DOCK7: variants seen among roughly 807,000 people sequenced by gnomAD.
DOCK7 encodes dedicator of cytokinesis protein 7.
Under a neutral mutation model 271.0 loss-of-function variants are expected in DOCK7, and 138 were observed. The ratio of observed to expected loss-of-function variants is 0.51; its 90% confidence interval spans 0.44 to 0.59. DOCK7 has a LOEUF of 0.59. Among genes scored for constraint, DOCK7 ranks in the 20% least tolerant of loss-of-function variants. The probability of loss-of-function intolerance (pLI) is 0.00; values close to 1 mark genes in which losing one functional copy is unlikely to be tolerated. For synonymous variants in DOCK7, 823 were observed against 876.1 expected, an observed-to-expected ratio of 0.94 and a Z score of 1.07; for missense variants, 2,066 against 2,592.4, an observed-to-expected ratio of 0.80 and a Z score of 4.41.
At chr1:62,587,444 A>G (rs1249859278) in intron 14 of DOCK7, among the ~76,000 whole-genome samples, 1 of 152,054 alleles carries the variant, frequency 6.6e-6, no homozygotes, top group Non-Finnish European at 1.5e-5. Flanking sequence ...TTTTCTGAAG[A>G]GTGGTAGGGC....
intron 48 of DOCK7, 82 bp from the exon 49 acceptor site, chr1:62,457,787 A>C (rs201946100): frequency 7.7e-7 from 1 of 1,298,476 alleles, no homozygotes; most frequent in African/African-American, 1.5e-5. Context: ...AAATACATAT[A>C]CATATATATG....
intron 1 of DOCK7, among the ~76,000 whole-genome samples, chr1:62,680,544 T>G (rs577445345): frequency 5.4e-4 from 82 of 151,952 alleles, no homozygotes; most frequent in Middle Eastern, 3.4e-3. Context: ...AAATGGGATC[T>G]AATTAAACTA....
intron 14 of DOCK7, chr1:62,604,568 G>C: frequency 1.3e-6 from 2 of 1,494,690 alleles, no homozygotes; most frequent in Non-Finnish European, 1.9e-6. Context: ...AACTTACGGG[G>C]AAATACAGTA....
intron 1 of DOCK7, among the ~76,000 whole-genome samples, chr1:62,672,801 G>A (rs967098523): frequency 3.3e-5 from 5 of 152,220 alleles, no homozygotes; most frequent in African/African-American, 1.2e-4. Context: ...GGCAGGGTTT[G>A]AATTCAGATC....
intron 4 of DOCK7, among the ~76,000 whole-genome samples, chr1:62,649,928 T>C (rs1657127774): frequency 6.6e-6 from 1 of 152,086 alleles, no homozygotes; most frequent in South Asian, 2.1e-4. Context: ...AAAATCACCT[T>C]ATCAGTAAGG....
chr1:62,602,556 GTTA>G (rs1650308169), intron 14 of DOCK7, among the ~76,000 whole-genome samples: 1 of 151,586 alleles, frequency 6.6e-6, no homozygotes, highest in South Asian at 2.1e-4. Context: ...TATTACAACT[GTTA>G]TTATTTGAAT....
intron 14 of DOCK7, chr1:62,598,155 T>G: frequency 8.5e-7 from 1 of 1,181,256 alleles, no homozygotes; most frequent in South Asian, 2.1e-5. Flanking sequence ...AATACTTTGT[T>G]GCATTGTTGA....
chr1:62,636,870 T>C (rs76150158), intron 7 of DOCK7, among the ~76,000 whole-genome samples: 10 of 152,196 alleles, frequency 6.6e-5, no homozygotes, highest in Non-Finnish European at 1.3e-4. Context: ...ACATATTATG[T>C]CCATTCTGAG....
At chr1:62,680,650 G>A (rs1257904644) in intron 1 of DOCK7, among the ~76,000 whole-genome samples, 2 of 151,976 alleles carry the variant, frequency 1.3e-5, no homozygotes, top group African/African-American at 4.8e-5. Context: ...CTGACAAAGG[G>A]CTAATATCCA....
intron 34 of DOCK7, among the ~76,000 whole-genome samples, chr1:62,508,500 AT>A (rs1328117423): frequency 6.6e-6 from 1 of 152,134 alleles, no homozygotes; most frequent in Non-Finnish European, 1.5e-5. Context: ...GTTTCATCTA[AT>A]TTTCCCCCAA....
intron 42 of DOCK7, chr1:62,487,920 A>T (rs1646344777): frequency 6.6e-6 from 1 of 152,480 alleles, no homozygotes; most frequent in Admixed American, 6.5e-5. Flanking sequence ...CCTACCTGTC[A>T]TGGTCATGAA....
intron 48 of DOCK7, among the ~76,000 whole-genome samples, chr1:62,468,586 T>G (rs367620830): frequency 2.0e-5 from 3 of 152,066 alleles, no homozygotes; most frequent in African/African-American, 4.8e-5. Context: ...GAGAAAGAAA[T>G]AAAGCAAATC....
Position 62,688,381 on chromosome 1 carries a change from G to C in DOCK7, c.-117C>G. 1 of 575,180 alleles carries C rather than the reference G, an allele frequency of 1.7e-6. No individual in the cohort carries two copies. The allele number at this position is 575,180 out of a possible 1,614,324, so 35.6% of individuals were successfully genotyped here. A position where few individuals can be genotyped will look rare whatever the true frequency, so the allele number is the denominator to read the frequency against. On this transcript the variant is annotated 5_prime_UTR_variant, in exon 1 of 50. Transcript: ENST00000635253. ...CGCGGCCTCCGCCAGTCCGGGCTCC[G>C]GACCTGGGAGGCTGGGGCTGGCGGC...
intron 12 of DOCK7, among the ~76,000 whole-genome samples, chr1:62,622,998 T>C (rs1304714266): frequency 6.6e-6 from 1 of 152,064 alleles, no homozygotes; most frequent in Non-Finnish European, 1.5e-5. Context: ...GGTCTTGAAC[T>C]CTTAGGCTCA....
At position 62,541,286 on chromosome 1, in the gene DOCK7, A is replaced by T. The variant is rs1014636265; in HGVS notation, c.3045+1322T>A. The stretch of plus-strand genomic sequence containing the variant: ...TGTGCCTTAGTAATACCTAGGCCAC[A>T]GGGCAGTACTGGCATATTGTGCCCA... On this transcript the variant is annotated intron_variant, in intron 25 of 49. Transcript: ENST00000635253. 7.9e-5 allele frequency among the ~76,000 whole-genome samples: 12 copies of T among 152,342 alleles called. No individual in the cohort carries two copies. In the East Asian group the frequency reaches 2.3e-3, roughly 29 times the overall value.
chr1:62,571,277 T>C (rs1646767696), intron 18 of DOCK7, among the ~76,000 whole-genome samples: 1 of 152,160 alleles, frequency 6.6e-6, no homozygotes. Context: ...AAGACATTCA[T>C]GTGGCCAACA....
At chr1:62,683,149 C>A (rs1661358371) in intron 1 of DOCK7, among the ~76,000 whole-genome samples, 1 of 152,158 alleles carries the variant, frequency 6.6e-6, no homozygotes, top group African/African-American at 2.4e-5. Flanking sequence ...ACATAAAGAT[C>A]AACTCTGGAA....
At chr1:62,512,463 C>T (rs1226302089) in intron 33 of DOCK7, among the ~76,000 whole-genome samples, 1 of 152,158 alleles carries the variant, frequency 6.6e-6, no homozygotes, top group Admixed American at 6.5e-5. Context: ...GATTAAGTGA[C>T]TTGGCCAAGG....
chr1:62,457,159 T>C (rs761847580), intron 49 of DOCK7, among the ~76,000 whole-genome samples: 2 of 152,224 alleles, frequency 1.3e-5, no homozygotes, highest in Non-Finnish European at 2.9e-5. Context: ...AATTCCAAGT[T>C]AATGACAAGA....
Sources: gnomAD v4.1 joint callset for allele counts (sites outside exome capture counted in the v4.1 genomes callset) on GRCh38, gnomAD v4.1.1 for gene constraint, MANE v1.5 for transcripts, NCBI Gene and HGNC (gene_info 2026-07-23, HGNC 2026-07-21) for gene names.